Variants in RNF128 observed in about 807,000 individuals in gnomAD.
RNF128 encodes the protein ring finger protein 128.
Under a neutral mutation model 26.2 loss-of-function variants are expected in RNF128, and 13 were observed. The ratio of observed to expected loss-of-function variants is 0.50; its 90% confidence interval spans 0.32 to 0.79. The LOEUF (loss-of-function observed/expected upper bound fraction) is 0.79, where lower values mean the gene tolerates loss of function less well. Among genes scored for constraint, RNF128 ranks in the 30% least tolerant of loss-of-function variants. The pLI, the probability that RNF128 is intolerant of heterozygous loss-of-function variation, is 0.03. For synonymous variants in RNF128, 149 were observed against 142.5 expected, an observed-to-expected ratio of 1.05 and a Z score of -0.32; for missense variants, 315 against 349.7, an observed-to-expected ratio of 0.90 and a Z score of 0.79.
intron 1 of RNF128, among the ~76,000 whole-genome samples, chrX:106,768,740 T>C (rs1386831349): frequency 8.9e-6 from 1 of 111,878 alleles, no homozygotes; most frequent in Admixed American, 9.5e-5. Flanking sequence ...ATCTTAGTTA[T>C]TTCTTGCCTT....
intron 1 of RNF128, among the ~76,000 whole-genome samples, chrX:106,704,433 GAAAAAAAAAA>G (rs55870405): frequency 4.0e-5 from 2 of 49,467 alleles, no homozygotes; most frequent in African/African-American, 1.6e-4. Context: ...CTCTGTCTCA[GAAAAAAAAAA>G]AAAAAAAAAA....
At chrX:106,751,472 T>C (rs1187354025) in intron 1 of RNF128, among the ~76,000 whole-genome samples, 1 of 110,414 alleles carries the variant, frequency 9.1e-6, no homozygotes, top group Non-Finnish European at 1.9e-5. Flanking sequence ...CCTAAATAAA[T>C]ACGAAAGGCA....
At chrX:106,705,678 T>C (rs1929031390) in intron 1 of RNF128, among the ~76,000 whole-genome samples, 1 of 111,856 alleles carries the variant, frequency 8.9e-6, no homozygotes, top group South Asian at 3.7e-4. Flanking sequence ...TTTCAACTGA[T>C]TTTTTTAGCC....
intron 1 of RNF128, among the ~76,000 whole-genome samples, chrX:106,747,700 ATT>A (rs1450121198): frequency 1.8e-5 from 2 of 112,164 alleles, no homozygotes; most frequent in Non-Finnish European, 3.8e-5. Flanking sequence ...ATACAAAACA[ATT>A]TGTTATTTTA....
intron 2 of RNF128, 98 bp downstream of exon 2, chrX:106,773,258 T>C: frequency 5.9e-6 from 5 of 846,344 alleles, no homozygotes; most frequent in African/African-American, 2.0e-5. Context: ...TGCTAGACAA[T>C]GATCTCCCCA....
intron 1 of RNF128, among the ~76,000 whole-genome samples, chrX:106,745,325 C>G (rs1240541100): frequency 9.0e-6 from 1 of 110,918 alleles, no homozygotes; most frequent in Non-Finnish European, 1.9e-5. Context: ...TGCGATACAC[C>G]CTCCCTCCAA....
intron 1 of RNF128, among the ~76,000 whole-genome samples, chrX:106,756,108 C>A (rs1473112946): frequency 1.8e-5 from 2 of 111,273 alleles, no homozygotes; most frequent in Non-Finnish European, 3.8e-5. Context: ...AATGGAAGAA[C>A]ATTCCATACT....
intron 2 of RNF128, among the ~76,000 whole-genome samples, chrX:106,777,240 A>G (rs1396242033): frequency 4.5e-5 from 5 of 112,175 alleles, no homozygotes; most frequent in Non-Finnish European, 9.4e-5. Context: ...TGGCATGAAG[A>G]AGAAGTAGAA....
At position 106,750,880 on chromosome X, in the gene RNF128, A is replaced by G. The variant is rs1929871731; in HGVS notation, c.485-22033A>G. 3.6e-5 allele frequency among the ~76,000 whole-genome samples: 4 copies of G among 112,189 alleles called. No homozygotes were observed. The South Asian group carries it at 1.5e-3, about 42-fold the overall frequency. ...TGCTAAGATCTGTTCCATTTCCAAA[A>G]ATTTATGACAAGAGTGAAAAATTGC... On this transcript the variant is annotated intron_variant, in intron 1 of 6. Transcript: ENST00000255499.
At chrX:106,721,621 A>G in intron 1 of RNF128, among the ~76,000 whole-genome samples, 1 of 111,731 alleles carries the variant, frequency 9.0e-6, no homozygotes, top group East Asian at 2.8e-4. Flanking sequence ...GCCCATATAT[A>G]TCCTGGCCCA....
chrX:106,739,053 A>G (rs1003629750), intron 1 of RNF128, among the ~76,000 whole-genome samples: 1 of 111,670 alleles, frequency 9.0e-6, no homozygotes, highest in Non-Finnish European at 1.9e-5. Context: ...CATCCGAAAT[A>G]CGATTTGGGT....
chrX:106,780,482 C>CT (rs1192984277), intron 2 of RNF128, among the ~76,000 whole-genome samples: 1 of 111,809 alleles, frequency 8.9e-6, no homozygotes, highest in Non-Finnish European at 1.9e-5. Flanking sequence ...CAACCAGCTT[C>CT]TTTGAATCAG....
At chrX:106,771,910 G>T (rs1403488050) in intron 1 of RNF128, among the ~76,000 whole-genome samples, 2 of 112,514 alleles carry the variant, frequency 1.8e-5, no homozygotes, top group African/African-American at 6.5e-5. Context: ...GTGTGTATTT[G>T]TATTTATTCC....
chrX:106,752,246 A>G (rs899192016), intron 1 of RNF128, among the ~76,000 whole-genome samples: 3 of 112,194 alleles, frequency 2.7e-5, no homozygotes, highest in Non-Finnish European at 3.8e-5. Flanking sequence ...CAAAACCCAG[A>G]ACTATGCTGG....
Position 106,727,279 on chromosome X carries a change from C to T in RNF128, c.366C>T (p.Arg122=). The T allele has an allele frequency of 3.3e-6, 4 of 1,211,417 alleles. No individual in the cohort carries two copies. Among genetic ancestry groups the T allele is most frequent in the Middle Eastern group, 2.3e-4 (1 of 4,353 alleles). Residue 122 remains arginine (R), a synonymous_variant, in exon 1 of 7, where the codon CGC becomes CGT. Coordinates refer to ENST00000255499, the MANE Select transcript of RNF128 (RefSeq NM_194463.2). ...VQVSWLALIQ[R]GGGCTFADKI... ...TCTCTTGGTTGGCCCTCATCCAACG[C>T]GGCGGGGGCTGCACCTTCGCAGACA...
chrX:106,764,227 A>G (rs1930174581), intron 1 of RNF128, among the ~76,000 whole-genome samples: 1 of 108,197 alleles, frequency 9.2e-6, no homozygotes, highest in Non-Finnish European at 1.9e-5. Flanking sequence ...AGCCTCCCAA[A>G]GTGCTGGAAT....
At chrX:106,728,688 A>G (rs1270420825) in intron 1 of RNF128, among the ~76,000 whole-genome samples, 1 of 111,696 alleles carries the variant, frequency 9.0e-6, no homozygotes, top group Non-Finnish European at 1.9e-5. Context: ...ATTGGAACTC[A>G]GGAGATTTGA....
At chrX:106,754,410 C>CTTTTTT (rs150895665) in intron 1 of RNF128, among the ~76,000 whole-genome samples, 451 of 35,791 alleles carry the variant, frequency 0.013, 30 homozygotes, top group African/African-American at 0.029. Context: ...TTTTCTTTCT[C>CTTTTTT]TTTTTTTTTT....
intron 1 of RNF128, among the ~76,000 whole-genome samples, chrX:106,771,682 C>G (rs912145801): frequency 8.9e-6 from 1 of 112,739 alleles, no homozygotes; most frequent in African/African-American, 3.2e-5. Context: ...AAAGGGAATT[C>G]CCTGACCCCT....
Sources: gnomAD v4.1 joint callset for allele counts (sites outside exome capture counted in the v4.1 genomes callset) on GRCh38, gnomAD v4.1.1 for gene constraint, MANE v1.5 for transcripts, NCBI Gene and HGNC (gene_info 2026-07-23, HGNC 2026-07-21) for gene names.